FHIT: variants seen among roughly 807,000 people sequenced by gnomAD.
FHIT encodes bis(5'-adenosyl)-triphosphatase.
Under a neutral mutation model 17.9 loss-of-function variants are expected in FHIT, and 19 were observed. That is an observed-to-expected ratio of 1.06 (90% CI 0.74 to 1.56). FHIT has a LOEUF of 1.56. Ranked by LOEUF, FHIT falls within the 40% of genes most tolerant of loss-of-function variation. FHIT has a pLI of 0.00. For missense variants in FHIT, 248 were observed against 189.2 expected, an observed-to-expected ratio of 1.31 and a Z score of -1.82; for synonymous variants, 81 against 69.7, an observed-to-expected ratio of 1.16 and a Z score of -0.81.
At chr3:60,613,151 T>G (rs1044351194) in intron 4 of FHIT, among the ~76,000 whole-genome samples, 1 of 152,220 alleles carries the variant, frequency 6.6e-6, no homozygotes, top group Non-Finnish European at 1.5e-5. Flanking sequence ...TTTCTTCCTC[T>G]GCCCCCTCCT....
chr3:61,157,573 C>G (rs1256900038), intron 2 of FHIT, among the ~76,000 whole-genome samples: 2 of 152,168 alleles, frequency 1.3e-5, no homozygotes, highest in African/African-American at 4.8e-5. Context: ...GGAATTGAAA[C>G]AAACTGAAGT....
chr3:61,063,041 C>T (rs909493350), intron 2 of FHIT, among the ~76,000 whole-genome samples: 2 of 151,874 alleles, frequency 1.3e-5, no homozygotes, highest in Admixed American at 1.3e-4. Context: ...GGGTGGATCA[C>T]GAGGTCAGGA....
intron 5 of FHIT, among the ~76,000 whole-genome samples, chr3:60,138,730 C>G (rs1424515060): frequency 2.6e-5 from 4 of 152,046 alleles, no homozygotes; most frequent in African/African-American, 9.7e-5. Flanking sequence ...TTCAAAGTCA[C>G]TGAAAGAGCT....
chr3:60,326,304 T>C (rs535286295), intron 5 of FHIT, among the ~76,000 whole-genome samples: 1 of 152,288 alleles, frequency 6.6e-6, no homozygotes, highest in South Asian at 2.1e-4. Flanking sequence ...GCTTGTATTC[T>C]TGTGACTAGC....
At chr3:59,844,778 T>A (rs941601857) in intron 8 of FHIT, among the ~76,000 whole-genome samples, 7 of 152,178 alleles carry the variant, frequency 4.6e-5, no homozygotes, top group African/African-American at 1.7e-4. Flanking sequence ...GGTCTGTAGT[T>A]TTTTTGCAAT....
intron 5 of FHIT, among the ~76,000 whole-genome samples, chr3:60,526,139 C>CACACACACACACAT (rs774820676): frequency 2.6e-5 from 2 of 78,002 alleles, no homozygotes; most frequent in African/African-American, 6.4e-5. Context: ...ACAACACATA[C>CACACACACACACAT]ACACACACAC....
intron 1 of FHIT, among the ~76,000 whole-genome samples, chr3:61,244,635 A>G (rs1169708237): frequency 6.6e-6 from 1 of 152,202 alleles, no homozygotes; most frequent in Non-Finnish European, 1.5e-5. Flanking sequence ...CTCCTGAAGC[A>G]GGTCTAAGAC....
At chr3:60,340,879 A>T (rs1396064468) in intron 5 of FHIT, among the ~76,000 whole-genome samples, 1 of 152,034 alleles carries the variant, frequency 6.6e-6, no homozygotes, top group Admixed American at 6.6e-5. Flanking sequence ...TTTAGTAGAG[A>T]TGGGGTTTCA....
rs949006238 is a variant in FHIT at position 60,117,668 on chromosome 3, A to G, written c.104-103516T>C. Among the ~76,000 whole-genome samples the G allele has an allele frequency of 3.9e-5, 6 of 152,166 alleles. No individual in the cohort carries two copies. The South Asian group carries it at 1.2e-3, about 32-fold the overall frequency. On this transcript the variant is annotated intron_variant, in intron 5 of 9. Transcript: ENST00000492590. Reference sequence around the variant, plus strand: ...CAAAGCAAATGATGAAGAACCAACAACTTGCCAATGCTGAGGGTCCAGATG... The same window carrying G: ...CAAAGCAAATGATGAAGAACCAACAGCTTGCCAATGCTGAGGGTCCAGATG...
intron 5 of FHIT, among the ~76,000 whole-genome samples, chr3:60,278,142 G>C (rs1005690077): frequency 1.3e-5 from 2 of 152,170 alleles, no homozygotes; most frequent in Non-Finnish European, 2.9e-5. Context: ...ACTAGCTTGA[G>C]AGTTAAAAAC....
chr3:60,256,376 T>G (rs990525924), intron 5 of FHIT, among the ~76,000 whole-genome samples: 10 of 152,226 alleles, frequency 6.6e-5, no homozygotes, highest in Non-Finnish European at 1.5e-4. Flanking sequence ...TCAAGCCTTT[T>G]AAGATTTCTT....
chr3:60,806,563 C>T (rs1553734283), intron 4 of FHIT, among the ~76,000 whole-genome samples: 1 of 152,170 alleles, frequency 6.6e-6, no homozygotes, highest in Non-Finnish European at 1.5e-5. Flanking sequence ...AGGCAGATTC[C>T]TCACATCAAT....
At chr3:60,027,779 A>G (rs570064919) in intron 5 of FHIT, among the ~76,000 whole-genome samples, 22 of 151,706 alleles carry the variant, frequency 1.5e-4, no homozygotes, top group Non-Finnish European at 2.6e-4. Context: ...TTTCAGTGTT[A>G]TTGATATTCC....
chr3:60,707,853 T>C (rs782713835), intron 4 of FHIT, among the ~76,000 whole-genome samples: 20 of 152,236 alleles, frequency 1.3e-4, no homozygotes, highest in Non-Finnish European at 2.9e-5. Context: ...AAATTTATCA[T>C]GATGTTTTTA....
chr3:60,139,185 T>G (rs1335637769), intron 5 of FHIT, among the ~76,000 whole-genome samples: 2 of 152,192 alleles, frequency 1.3e-5, no homozygotes, highest in Admixed American at 1.3e-4. Flanking sequence ...ATGTTTGACC[T>G]TCCCGCCTTT....
intron 5 of FHIT, among the ~76,000 whole-genome samples, chr3:60,322,029 C>A (rs1709455869): frequency 6.6e-6 from 1 of 152,176 alleles, no homozygotes; most frequent in Non-Finnish European, 1.5e-5. Flanking sequence ...CAGACCTTAG[C>A]AATATTCATC....
chr3:60,085,664 G>A (rs913075395), intron 5 of FHIT, among the ~76,000 whole-genome samples: 5 of 152,108 alleles, frequency 3.3e-5, no homozygotes, highest in Non-Finnish European at 7.4e-5. Context: ...ACAATTATAG[G>A]GGAGGTCAGA....
intron 7 of FHIT, among the ~76,000 whole-genome samples, chr3:59,955,436 C>A (rs1270242792): frequency 6.6e-6 from 1 of 152,198 alleles, no homozygotes; most frequent in African/African-American, 2.4e-5. Flanking sequence ...TTATCTTCCC[C>A]AGCGACACAC....
At chr3:60,012,973 A>G (rs551734119) in intron 6 of FHIT, among the ~76,000 whole-genome samples, 1 of 152,324 alleles carries the variant, frequency 6.6e-6, no homozygotes, top group East Asian at 1.9e-4. Context: ...CATAAGCTTG[A>G]TAAACCCACT....
Sources: gnomAD v4.1 joint callset for allele counts (sites outside exome capture counted in the v4.1 genomes callset) on GRCh38, gnomAD v4.1.1 for gene constraint, MANE v1.5 for transcripts, NCBI Gene and HGNC (gene_info 2026-07-23, HGNC 2026-07-21) for gene names.